Variants in CCDC171 observed in about 807,000 individuals in gnomAD.
CCDC171 encodes the protein coiled-coil domain-containing protein 171.
A neutral mutation model predicts 168.2 loss-of-function variants in CCDC171; 177 were observed. The ratio of observed to expected loss-of-function variants is 1.05; its 90% CI spans 0.93 to 1.19. CCDC171 has a LOEUF of 1.19. CCDC171 is among the 50% of genes most tolerant of loss of function. The pLI is 0.00. For missense variants in CCDC171, 1,991 were observed against 1,539.0 expected, an observed-to-expected ratio of 1.29 and a Z score of -4.91; for synonymous variants, 687 against 540.8, an observed-to-expected ratio of 1.27 and a Z score of -3.75.
At chr9:15,918,174 AT>A (rs968367492) in intron 24 of CCDC171, among the ~76,000 whole-genome samples, 1 of 151,630 alleles carries the variant, frequency 6.6e-6, no homozygotes, top group Non-Finnish European at 1.5e-5. Flanking sequence ...GAAAAACTAG[AT>A]TAAAAAAAGT....
At chr9:15,633,934 A>C in intron 7 of CCDC171, among the ~76,000 whole-genome samples, 1 of 152,148 alleles carries the variant, frequency 6.6e-6, no homozygotes, top group South Asian at 2.1e-4. Context: ...ACAACAAACG[A>C]AACACCGCAT....
upstream of CCDC171, among the ~76,000 whole-genome samples, chr9:16,037,899 CTG>C (rs996724637): frequency 1.3e-4 from 20 of 152,138 alleles, no homozygotes; most frequent in South Asian, 2.1e-3. Flanking sequence ...AGAAAAAAGA[CTG>C]AGAATTTTTT....
intron 21 of CCDC171, among the ~76,000 whole-genome samples, chr9:15,800,070 C>G (rs749004165): frequency 6.6e-6 from 1 of 152,100 alleles, no homozygotes; most frequent in Non-Finnish European, 1.5e-5. Flanking sequence ...AGAGCTATGA[C>G]AAATGTGGGA....
chr9:15,555,224 C>T lies in CCDC171; in HGVS notation c.-112+1922C>T, dbSNP rs117085729. Among the ~76,000 whole-genome samples, 1,199 of 152,098 alleles carry T rather than the reference C, an allele frequency of 7.9e-3. 18 individuals carry two copies. Among genetic ancestry groups the T allele is most frequent in the Middle Eastern group, 0.02 (6 of 294 alleles). ...ATTGATGAATGATACACATAATATC[C>T]CATCATCTATTTTAGTAGGAATGGT... On this transcript the variant is annotated intron_variant, in intron 1 of 25. Transcript: ENST00000380701.
chr9:15,580,275 T>C (rs2041007914), intron 4 of CCDC171, among the ~76,000 whole-genome samples: 1 of 152,100 alleles, frequency 6.6e-6, no homozygotes, highest in South Asian at 2.1e-4. Flanking sequence ...GAAGATAACA[T>C]TGGAAAAACT....
At position 15,777,664 on chromosome 9, in the gene CCDC171, C is replaced by G. The variant is rs755795384; in HGVS notation, c.2736C>G (p.Leu912=). The change falls in exon 19 of 26, where the codon CTC becomes CTG. Residue 912 remains leucine, a synonymous_variant. Coordinates refer to ENST00000380701, the MANE Select transcript of CCDC171 (RefSeq NM_173550.4). Reference sequence around the variant, plus strand: ...CAGCCAAGAATTCTTTTGCAAAACTCATGGATAAAATTAGTCTGGTAATGG... The same window carrying G: ...CAGCCAAGAATTCTTTTGCAAAACTGATGGATAAAATTAGTCTGGTAATGG... ...IGAAKNSFAK[L]MDKISLVMEC... 2.5e-6 allele frequency: 4 copies of G among 1,613,962 alleles called. No individual in the cohort carries two copies. The highest frequency in any genetic ancestry group is 3.4e-6 in the Non-Finnish European group (4 of 1,179,974).
chr9:16,070,196 C>A, the CCDC171 span, among the ~76,000 whole-genome samples: 1 of 152,142 alleles, frequency 6.6e-6, no homozygotes, highest in Admixed American at 6.5e-5. Flanking sequence ...GGAGATGATT[C>A]ATATAACATG....
At chr9:15,904,219 A>G (rs1348700363) in intron 24 of CCDC171, among the ~76,000 whole-genome samples, 3 of 152,164 alleles carry the variant, frequency 2.0e-5, no homozygotes, top group African/African-American at 7.2e-5. Flanking sequence ...CAAGACACAT[A>G]ATTGTCAGAT....
At chr9:15,948,814 C>T (rs1828743007) in intron 25 of CCDC171, among the ~76,000 whole-genome samples, 1 of 151,524 alleles carries the variant, frequency 6.6e-6, no homozygotes, top group Admixed American at 6.6e-5. Flanking sequence ...TGTGCAGAAG[C>T]TCTTTAGTTT....
chr9:15,628,914 C>G (rs1206979875), intron 7 of CCDC171, among the ~76,000 whole-genome samples: 1 of 152,198 alleles, frequency 6.6e-6, no homozygotes, highest in Non-Finnish European at 1.5e-5. Context: ...GGTACCCAGG[C>G]AAACAGAGTC....
At chr9:15,556,452 T>C (rs2038805421) in intron 1 of CCDC171, among the ~76,000 whole-genome samples, 1 of 152,176 alleles carries the variant, frequency 6.6e-6, no homozygotes, top group Non-Finnish European at 1.5e-5. Context: ...TGAGATGGTA[T>C]CTCATTGTGG....
At chr9:15,847,481 G>A (rs2060948605) in intron 22 of CCDC171, among the ~76,000 whole-genome samples, 1 of 151,978 alleles carries the variant, frequency 6.6e-6, no homozygotes, top group Non-Finnish European at 1.5e-5. Flanking sequence ...CATACATTAT[G>A]AAGTTCACAT....
At position 15,650,632 on chromosome 9, in the gene CCDC171, A is replaced by G. The variant is rs373213813; in HGVS notation, c.823-6495A>G. Among the ~76,000 whole-genome samples the G allele has an allele frequency of 4.0e-4, 61 of 152,276 alleles. No individual in the cohort carries two copies. The South Asian group carries it at 6.6e-3, about 17-fold the overall frequency. ...TGGATACTAGAACGTGCTCAGATAT[A>G]TGATTTGTAAGTATTTTCTCCCATT... On this transcript the variant is annotated intron_variant, in intron 7 of 25. Coordinates refer to ENST00000380701, the MANE Select transcript of CCDC171 (RefSeq NM_173550.4).
chr9:16,044,179 G>A (rs1833616547), intron 1 of CCDC171, among the ~76,000 whole-genome samples: 1 of 152,206 alleles, frequency 6.6e-6, no homozygotes, highest in South Asian at 2.1e-4. Flanking sequence ...GGGGAAGGGA[G>A]GCTGGGGGTG....
intron 18 of CCDC171, among the ~76,000 whole-genome samples, chr9:15,750,462 T>G (rs1187860697): frequency 6.6e-6 from 1 of 152,102 alleles, no homozygotes; most frequent in Non-Finnish European, 1.5e-5. Flanking sequence ...CCTAACTCCT[T>G]TTATGAGGCC....
At chr9:16,024,928 T>C (rs536468537) in intron 6 of CCDC171, among the ~76,000 whole-genome samples, 1 of 152,324 alleles carries the variant, frequency 6.6e-6, no homozygotes, top group South Asian at 2.1e-4. Context: ...ACTGAGGCAG[T>C]TCCCAGACAT....
the CCDC171 span, among the ~76,000 whole-genome samples, chr9:16,082,089 G>T: frequency 6.6e-6 from 1 of 152,048 alleles, no homozygotes; most frequent in African/African-American, 2.4e-5. Context: ...AATTACATTG[G>T]AAAAGGGAAA....
At position 15,796,752 on chromosome 9, in the gene CCDC171, C is replaced by T. The variant is rs962574802; in HGVS notation, c.3267+12058C>T. Among the ~76,000 whole-genome samples the T allele has an allele frequency of 6.6e-5, 10 of 151,460 alleles. No individual in the cohort carries two copies. In the East Asian group the frequency reaches 9.7e-4, roughly 15 times the overall value. On this transcript the variant is annotated intron_variant, in intron 21 of 25. Transcript: ENST00000380701. ...GAGTGCACAGTGGTCTGAGCTCCCT[C>T]CTCAGCCCTGGGGTTGGGGAGGAGC...
intron 23 of CCDC171, among the ~76,000 whole-genome samples, chr9:15,849,904 A>G (rs1369149999): frequency 6.6e-6 from 1 of 151,820 alleles, no homozygotes; most frequent in Non-Finnish European, 1.5e-5. Flanking sequence ...ATTCTTTTAT[A>G]TTTTGACAGT....
Sources: allele counts gnomAD v4.1 joint callset (sites outside exome capture counted in the v4.1 genomes callset), GRCh38; gene constraint gnomAD v4.1.1; transcripts MANE v1.5; gene names NCBI Gene and HGNC (gene_info 2026-07-23, HGNC 2026-07-21).